GALNT15: variants seen among roughly 807,000 people sequenced by gnomAD.
The protein encoded by GALNT15 is polypeptide N-acetylgalactosaminyltransferase 15.
In GALNT15, 67 loss-of-function variants were observed where a neutral mutation model predicts 66.8. The ratio of observed to expected loss-of-function variants is 1.00; its 90% CI spans 0.82 to 1.23. GALNT15 has a LOEUF of 1.23. Ranked by LOEUF, GALNT15 falls within the 50% of genes most tolerant of loss-of-function variation. GALNT15 has a pLI of 0.00. For synonymous variants in GALNT15, 313 were observed against 311.5 expected, an observed-to-expected ratio of 1.00 and a Z score of -0.05; for missense variants, 827 against 804.3, an observed-to-expected ratio of 1.03 and a Z score of -0.34.
chr3:16,235,269 G>A (rs1245277388), downstream of GALNT15, among the ~76,000 whole-genome samples: 2 of 152,090 alleles, frequency 1.3e-5, no homozygotes, highest in African/African-American at 4.8e-5. Flanking sequence ...CTTCCTCCCT[G>A]GGGAAAAGTG....
At chr3:16,208,831 C>T (rs1190899805) in intron 4 of GALNT15, among the ~76,000 whole-genome samples, 161 bp downstream of exon 4, 1 of 152,202 alleles carries the variant, frequency 6.6e-6, no homozygotes, top group Non-Finnish European at 1.5e-5. Context: ...ATAGTATTTA[C>T]CTATAAGGGT....
At chr3:16,230,293 T>G (rs1055736), downstream of GALNT15, among the ~76,000 whole-genome samples, 66,350 of 151,950 alleles carry the variant, frequency 0.44, 16,286 homozygotes, top group African/African-American at 0.67. This position sits in a 1 kb window ranked among gnomAD's most constrained non-coding sequence, Gnocchi z 4.5. Context: ...TCCTGGAGAG[T>G]GCCTGACCTG....
chr3:16,191,000 G>A (rs1414320316), intron 1 of GALNT15, among the ~76,000 whole-genome samples: 1 of 152,214 alleles, frequency 6.6e-6, no homozygotes, highest in African/African-American at 2.4e-5. Context: ...TGCCTCCACA[G>A]CTTGGCGGGG....
rs187739193 is a variant in GALNT15, at chr3:16,180,905, G to C, written c.539+5215G>C. Among the ~76,000 whole-genome samples, 2 of 152,290 alleles carry C rather than the reference G, an allele frequency of 1.3e-5. No individual in the cohort carries two copies. The highest frequency in any genetic ancestry group is 3.9e-4 in the East Asian group (2 of 5,186). On this transcript the variant is annotated intron_variant, in intron 1 of 9. Transcript: ENST00000339732. This position sits in a 1 kb window ranked among gnomAD's most constrained non-coding sequence, Gnocchi z 5.0. Reference sequence around the variant, plus strand: ...CTGTGGTTGAATCCTGGTACCACCTGTTACTGTGTGACCTTGTACAAGTCA... The same window carrying C: ...CTGTGGTTGAATCCTGGTACCACCTCTTACTGTGTGACCTTGTACAAGTCA...
Position 16,229,799 on chromosome 3 carries a change from A to T in GALNT15, c.*2299A>T, listed in dbSNP as rs2064064876. 2 of 938,918 alleles carry T rather than the reference A, an allele frequency of 2.1e-6. No individual in the cohort carries two copies. The highest frequency in any genetic ancestry group is 2.5e-6 in the Non-Finnish European group (2 of 787,368). The allele number at this position is 938,918 out of a possible 1,614,324, so 58.2% of individuals were successfully genotyped here. ...AAGGACCCAGATGGCTTATTGCCTA[A>T]TTGGGTGAACAAAGCAAGAATATGG... is the stretch of plus-strand genomic sequence containing the variant. On this transcript the variant is annotated 3_prime_UTR_variant, in exon 10 of 10. Coordinates refer to ENST00000339732, the MANE Select transcript of GALNT15 (RefSeq NM_054110.5).
At chr3:16,220,389 G>T in intron 8 of GALNT15, 1 of 245,284 alleles carries the variant, frequency 4.1e-6, no homozygotes, top group Non-Finnish European at 8.0e-6. Flanking sequence ...GAAGAAGAAG[G>T]TAATCAAATC....
At chr3:16,245,435 G>A in the GALNT15 span, among the ~76,000 whole-genome samples, 267 of 152,372 alleles carry the variant, frequency 1.8e-3, no homozygotes, top group African/African-American at 6.2e-3. Context: ...GCCCTAGAAC[G>A]GAAACAGGGC....
intron 1 of GALNT15, among the ~76,000 whole-genome samples, chr3:16,185,715 C>T (rs1388017790): frequency 1.3e-5 from 2 of 151,896 alleles, no homozygotes; most frequent in Non-Finnish European, 2.9e-5. Flanking sequence ...GAACATTCTG[C>T]TCGCACTGTA....
At chr3:16,185,748 CAGATAGATAGATAGAT>C (rs56684049) in intron 1 of GALNT15, among the ~76,000 whole-genome samples, 8,593 of 148,282 alleles carry the variant, frequency 0.058, 270 homozygotes, top group Non-Finnish European at 0.07. Context: ...GATAGACAGA[CAGATAGATAGATAGAT>C]AGATAGATAG....
Position 16,187,322 on chromosome 3 carries a change from G to A in GALNT15, c.540-8438G>A, listed in dbSNP as rs1227889256. ...TTTCTATGTTATGGTTCTATAATTT[G>A]GACCGGACTCAGCCAGGCAGTTCTT... is the stretch of plus-strand genomic sequence containing the variant. On this transcript the variant is annotated intron_variant, in intron 1 of 9. Coordinates refer to ENST00000339732, the MANE Select transcript of GALNT15 (RefSeq NM_054110.5). The surrounding 1 kb of genome is among the most constrained non-coding windows in gnomAD (Gnocchi z 5.1). Among the ~76,000 whole-genome samples the A allele has an allele frequency of 6.6e-6, 1 of 152,154 alleles. No individual in the cohort carries two copies. The highest frequency in any genetic ancestry group is 6.5e-5 in the Admixed American group (1 of 15,278).
rs760160264 is a variant in GALNT15, at chr3:16,180,466, C to T, written c.539+4776C>T. 2.0e-5 allele frequency among the ~76,000 whole-genome samples: 3 copies of T among 152,212 alleles called. No homozygotes were observed. Among genetic ancestry groups the T allele is most frequent in the Non-Finnish European group, 4.4e-5 (3 of 68,042 alleles). On this transcript the variant is annotated intron_variant, in intron 1 of 9. Transcript: ENST00000339732. This position sits in a 1 kb window ranked among gnomAD's most constrained non-coding sequence, Gnocchi z 5.0. ...CACATTTTTCAACAGTGAGGAGTTA[C>T]ACCACGACTTCCCAAAAGTATGTGC... is the stretch of plus-strand genomic sequence containing the variant.
At chr3:16,215,480 T>A (rs2063861257) in intron 6 of GALNT15, among the ~76,000 whole-genome samples, 1 of 152,234 alleles carries the variant, frequency 6.6e-6, no homozygotes, top group Non-Finnish European at 1.5e-5. Context: ...ATTTTTTCTC[T>A]CTTAGCTCTC....
At chr3:16,222,571 G>A (rs1278139722) in intron 8 of GALNT15, 44 bp from the exon 9 acceptor site, 1 of 1,612,952 alleles carries the variant, frequency 6.2e-7, no homozygotes, top group Non-Finnish European at 8.5e-7. Context: ...GCTTTGAAGA[G>A]GATCTCTTTC....
At chr3:16,222,328 G>A (rs763579126) in intron 8 of GALNT15, among the ~76,000 whole-genome samples, 2 of 152,180 alleles carry the variant, frequency 1.3e-5, no homozygotes, top group African/African-American at 2.4e-5. Context: ...AAAACACACA[G>A]CACTTTTTAT....
At chr3:16,244,485 C>T in the GALNT15 span, among the ~76,000 whole-genome samples, 2 of 152,236 alleles carry the variant, frequency 1.3e-5, no homozygotes, top group African/African-American at 4.8e-5. Context: ...CTACACTGAT[C>T]AATGCCAATA....
At position 16,203,385 on chromosome 3, in the gene GALNT15, C is replaced by T. The variant is rs374178906; in HGVS notation, c.911+2562C>T. Among the ~76,000 whole-genome samples the T allele has an allele frequency of 6.6e-6, 1 of 151,980 alleles. No homozygotes were observed. The highest frequency in any genetic ancestry group is 1.5e-5 in the Non-Finnish European group (1 of 68,000). On this transcript the variant is annotated intron_variant, in intron 3 of 9. Transcript: ENST00000339732. The surrounding 1 kb of genome is among the most constrained non-coding windows in gnomAD (Gnocchi z 6.2). Reference sequence around the variant, plus strand: ...CCTAGGCTAGAAAGAAAATGAGGCTCCCTGGGAAGCCCTTTGTGATTAAGA... The same window carrying T: ...CCTAGGCTAGAAAGAAAATGAGGCTTCCTGGGAAGCCCTTTGTGATTAAGA...
intron 3 of GALNT15, among the ~76,000 whole-genome samples, chr3:16,205,629 C>G (rs1041120537): frequency 6.6e-6 from 1 of 152,192 alleles, no homozygotes; most frequent in Non-Finnish European, 1.5e-5. Context: ...TTTTGCTTGA[C>G]GTGAATTCCA....
rs1166992899 is a variant in GALNT15, at chr3:16,209,852, G to A, written c.1079+1182G>A. Among the ~76,000 whole-genome samples the A allele has an allele frequency of 6.6e-6, 1 of 152,168 alleles. No homozygotes were observed. The highest frequency in any genetic ancestry group is 1.5e-5 in the Non-Finnish European group (1 of 68,022). ...CAAAAAACAAAAACAAAATCATTAGGCAGCAAAAGCTGCCCTGAACTGACA... is the reference window on the plus strand; with the variant it reads ...CAAAAAACAAAAACAAAATCATTAGACAGCAAAAGCTGCCCTGAACTGACA... On this transcript the variant is annotated intron_variant, in intron 4 of 9. Transcript: ENST00000339732. This position sits in a 1 kb window ranked among gnomAD's most constrained non-coding sequence, Gnocchi z 4.1.
Position 16,186,472 on chromosome 3 carries a change from G to A in GALNT15, c.540-9288G>A, listed in dbSNP as rs759273186. 6.6e-6 allele frequency among the ~76,000 whole-genome samples: 1 copy of A among 152,188 alleles called. No homozygotes were observed. The highest frequency in any genetic ancestry group is 1.5e-5 in the Non-Finnish European group (1 of 68,042). On this transcript the variant is annotated intron_variant, in intron 1 of 9. Coordinates refer to ENST00000339732, the MANE Select transcript of GALNT15 (RefSeq NM_054110.5). The surrounding 1 kb of genome is among the most constrained non-coding windows in gnomAD (Gnocchi z 5.1). The stretch of plus-strand genomic sequence containing the variant: ...AAGAAAATTAAAAACATGTTCACAT[G>A]AAAACTTATACATGAATATTCATAG...
Sources: allele counts gnomAD v4.1 joint callset (sites outside exome capture counted in the v4.1 genomes callset), GRCh38; gene constraint gnomAD v4.1.1; non-coding constraint Gnocchi (gnomAD v3.1); transcripts MANE v1.5; gene names NCBI Gene and HGNC (gene_info 2026-07-23, HGNC 2026-07-21).